SEC31A: variants seen among roughly 807,000 people sequenced by gnomAD.
SEC31A encodes the protein SEC31 homolog A, COPII component, also known as protein transport protein Sec31A.
A neutral mutation model predicts 151.0 loss-of-function variants in SEC31A; 70 were observed. The observed-to-expected ratio is 0.46, with a 90% CI of 0.38 to 0.57. The LOEUF (loss-of-function observed/expected upper bound fraction) is 0.57, where lower values mean the gene tolerates loss of function less well. Ranked by LOEUF, SEC31A falls within the 20% of genes least tolerant of loss-of-function variation. The pLI is 0.00. For missense variants in SEC31A, 1,330 were observed against 1,471.2 expected (o/e 0.90, Z 1.57); for synonymous variants, 475 against 505.9 (o/e 0.94, Z 0.82).
At position 82,878,779 on chromosome 4, in the gene SEC31A, T is replaced by C. The variant is rs1206510269; in HGVS notation, c.353A>G (p.Asn118Ser). The C allele has an allele frequency of 1.2e-6, 2 of 1,614,176 alleles. No homozygotes were observed. Among genetic ancestry groups the C allele is most frequent in the Non-Finnish European group, 1.7e-6 (2 of 1,180,014 alleles). ...TCTCACTGGGCCAGTATGCTTGTCA[T>C]TCTGGGCAATCACAACTTCCTTGTC... is the stretch of plus-strand genomic sequence containing the variant. ...AGDKEVVIAQ[N>S]DKHTGPVRAL... The change falls in exon 4 of 27, where the codon AAT becomes AGT. Residue 118 changes from asparagine (N) to serine (S), a missense_variant. Asn to Ser is a conservative substitution (Grantham distance 46, BLOSUM62 1). Transcript: ENST00000395310.
chr4:82,867,875 C>T (rs772664532), intron 8 of SEC31A, among the ~76,000 whole-genome samples: 18 of 152,324 alleles, frequency 1.2e-4, no homozygotes, highest in Non-Finnish European at 2.1e-4. Flanking sequence ...TCAAGTGATC[C>T]GCCCGCCTTG....
Position 82,867,174 on chromosome 4 carries a change from C to T in SEC31A, c.1025G>A (p.Arg342Lys). ...SIMGGSTDGL[R>K]QKQVDKLSSS... is the part of the protein sequence containing the mutation. The stretch of plus-strand genomic sequence containing the variant: ...TATTACCTTGTCAACTTGTTTCTGT[C>T]TTAAACCATCTGTGCTACCTCCCAT... The change falls in exon 9 of 27, where the codon AGA becomes AAA. Residue 342 changes from arginine (R) to lysine (K), a missense_variant. By Grantham distance (26) the Arg-to-Lys change is conservative. Coordinates refer to ENST00000395310, the MANE Select transcript of SEC31A (RefSeq NM_001077207.4). 6.2e-7 allele frequency: 1 copy of T among 1,613,846 alleles called. No homozygotes were observed. Among genetic ancestry groups the T allele is most frequent in the Non-Finnish European group, 8.5e-7 (1 of 1,179,782 alleles).
At chr4:82,850,630 T>C (rs761964265) in intron 19 of SEC31A, among the ~76,000 whole-genome samples, 11 of 152,148 alleles carry the variant, frequency 7.2e-5, no homozygotes, top group Non-Finnish European at 1.5e-4. Flanking sequence ...AGACACAAAA[T>C]GCAGATATAT....
intron 22 of SEC31A, among the ~76,000 whole-genome samples, chr4:82,832,532 T>C (rs1161233056): frequency 6.6e-6 from 1 of 152,092 alleles, no homozygotes; most frequent in African/African-American, 2.4e-5. Flanking sequence ...GCAAAAGCAA[T>C]GGCAACAAAA....
intron 22 of SEC31A, chr4:82,830,955 G>T: frequency 8.2e-7 from 1 of 1,220,808 alleles, no homozygotes; most frequent in Non-Finnish European, 1.1e-6. Context: ...ATAGGTGCCT[G>T]GTCTTGGATA....
At chr4:82,846,206 T>C (rs896207917) in intron 20 of SEC31A, among the ~76,000 whole-genome samples, 1 of 151,632 alleles carries the variant, frequency 6.6e-6, no homozygotes, top group African/African-American at 2.4e-5. Context: ...GGTTTCACTG[T>C]GTTAGCCAGG....
chr4:82,841,522 T>A (rs13147134), intron 22 of SEC31A, among the ~76,000 whole-genome samples: 23,863 of 132,700 alleles, frequency 0.18, 2,279 homozygotes, highest in South Asian at 0.28. Context: ...GTGCCTGTAG[T>A]CCCAGCTACT....
Position 82,867,156 on chromosome 4 carries a change from T to C in SEC31A, c.1043A>G (p.Lys348Arg), listed in dbSNP as rs774939152. Reference protein sequence around the residue: ...TDGLRQKQVDKLSSSFGNLDP... With the variant: ...TDGLRQKQVDRLSSSFGNLDP... The stretch of plus-strand genomic sequence containing the variant: ...GAAAACTTTAACACTTCCTATTACC[T>C]TGTCAACTTGTTTCTGTCTTAAACC... Residue 348 changes from lysine to arginine, a missense_variant and splice_region_variant, in exon 9 of 27, where the codon AAG becomes AGG. Coordinates refer to ENST00000395310, the MANE Select transcript of SEC31A (RefSeq NM_001077207.4). The C allele has an allele frequency of 1.2e-6, 2 of 1,612,622 alleles. No individual in the cohort carries two copies. Among genetic ancestry groups the C allele is most frequent in the Middle Eastern group, 1.7e-4 (1 of 6,060 alleles).
intron 20 of SEC31A, among the ~76,000 whole-genome samples, chr4:82,846,709 ATTTTTTTG>A (rs139680320): frequency 0.43 from 65,653 of 151,230 alleles, 17,473 homozygotes; most frequent in Admixed American, 0.59. Flanking sequence ...TTACTTCATT[ATTTTTTTG>A]TTTGTTTGTT....
Position 82,867,295 on chromosome 4 carries a change from TGGTGG to T in SEC31A, c.899_903del (p.Pro300GlnfsTer24). On this transcript the variant is annotated frameshift_variant, in exon 9 of 27. Transcript: ENST00000395310. LOFTEE classifies it high-confidence loss of function. ...TGAATATCGAAGCACCACTGTGTGTTGGTGGGAAGTTCATATAACACCTAGGCCAA... is the reference window on the plus strand; with the variant it reads ...TGAATATCGAAGCACCACTGTGTGTTGAAGTTCATATAACACCTAGGCCAA... 1 of 1,614,144 alleles carries T rather than the reference TGGTGG, an allele frequency of 6.2e-7. No individual in the cohort carries two copies. The highest frequency in any genetic ancestry group is 8.5e-7 in the Non-Finnish European group (1 of 1,180,028).
chr4:82,832,457 TAGA>T (rs1351886154), intron 22 of SEC31A, among the ~76,000 whole-genome samples: 1 of 152,198 alleles, frequency 6.6e-6, no homozygotes, highest in Non-Finnish European at 1.5e-5. Flanking sequence ...ATAAAAATCC[TAGA>T]AGAAAACCTG....
At chr4:82,882,017 A>C in intron 1 of SEC31A, 77 bp from the exon 2 acceptor site, 1 of 1,114,824 alleles carries the variant, frequency 9.0e-7, no homozygotes, top group South Asian at 1.2e-5. Context: ...TTTTAAATAG[A>C]AACATACTGA....
intron 1 of SEC31A, among the ~76,000 whole-genome samples, chr4:82,882,272 G>A (rs1020249708): frequency 1.9e-4 from 29 of 151,834 alleles, no homozygotes; most frequent in African/African-American, 5.6e-4. Flanking sequence ...GCGTGGTGGC[G>A]GGCACCTGTA....
intron 2 of SEC31A, chr4:82,899,813 T>C (rs1485570682): frequency 6.5e-6 from 1 of 152,688 alleles, no homozygotes; most frequent in Admixed American, 6.5e-5. Context: ...TTTTGTGTGC[T>C]ATACAAAGAA....
At chr4:82,862,652 A>C in intron 12 of SEC31A, 80 bp from the exon 13 acceptor site, 2 of 1,265,014 alleles carry the variant, frequency 1.6e-6, no homozygotes, top group Middle Eastern at 1.9e-4. Flanking sequence ...CTTGCTTCTC[A>C]CTGGCGAAAA....
intron 8 of SEC31A, among the ~76,000 whole-genome samples, chr4:82,868,581 T>C (rs568480863): frequency 6.6e-6 from 1 of 152,274 alleles, no homozygotes; most frequent in East Asian, 1.9e-4. Flanking sequence ...GTAATCCTTG[T>C]TGTGAACTCA....
rs184022002 is a variant in SEC31A, at chr4:82,849,973, G to C, written c.2329-996C>G. The stretch of plus-strand genomic sequence containing the variant: ...TTTAGGCATATTTTATTTGCCTTTT[G>C]GGGGGGAGAATTATATATTACAATG... On this transcript the variant is annotated intron_variant, in intron 19 of 26. Coordinates refer to ENST00000395310, the MANE Select transcript of SEC31A (RefSeq NM_001077207.4). 1.4e-3 allele frequency among the ~76,000 whole-genome samples: 208 copies of C among 152,060 alleles called. 1 individual carries two copies. Among genetic ancestry groups the C allele is most frequent in the African/African-American group, 4.8e-3 (201 of 41,480 alleles).
chr4:82,852,450 A>C (rs537874638), intron 18 of SEC31A, among the ~76,000 whole-genome samples: 1 of 152,120 alleles, frequency 6.6e-6, no homozygotes, highest in African/African-American at 2.4e-5. Context: ...TCTTTCCACA[A>C]TGGGGAGCTA....
chr4:82,881,779 T>C (rs1001618043), intron 2 of SEC31A, 79 bp downstream of exon 2: 36 of 1,087,752 alleles, frequency 3.3e-5, no homozygotes, highest in African/African-American at 1.2e-4. Context: ...CTAGAGAAGA[T>C]AAAGCTTAAA....
Sources: allele counts gnomAD v4.1 joint callset (sites outside exome capture counted in the v4.1 genomes callset), GRCh38; gene constraint gnomAD v4.1.1; transcripts MANE v1.5; gene names NCBI Gene and HGNC (gene_info 2026-07-23, HGNC 2026-07-21).